Variants in TMEM117 observed in about 807,000 individuals in gnomAD.
TMEM117 encodes the protein transmembrane protein 117.
A neutral mutation model predicts 52.4 loss-of-function variants in TMEM117; 27 were observed. The observed-to-expected ratio is 0.51, with a 90% CI of 0.38 to 0.71. The LOEUF is 0.71. Among genes scored for constraint, TMEM117 ranks in the 30% least tolerant of loss-of-function variants. The pLI, the probability that TMEM117 is intolerant of heterozygous loss-of-function variation, is 0.00. For missense variants in TMEM117, 556 were observed against 630.5 expected (o/e 0.88, Z 1.26); for synonymous variants, 215 against 206.3 (o/e 1.04, Z -0.36).
At chr12:44,081,844 CA>C (rs1235621374) in intron 3 of TMEM117, among the ~76,000 whole-genome samples, 2 of 151,904 alleles carry the variant, frequency 1.3e-5, no homozygotes. Context: ...AAAATCTCAT[CA>C]GCATAATTTA....
intron 6 of TMEM117, among the ~76,000 whole-genome samples, chr12:44,354,503 G>A (rs1951615976): frequency 6.6e-6 from 1 of 151,978 alleles, no homozygotes; most frequent in South Asian, 2.1e-4. Flanking sequence ...GGGATGCAAG[G>A]CTGGTTCAAC....
chr12:44,031,560 A>G (rs1946633243), intron 3 of TMEM117, among the ~76,000 whole-genome samples: 1 of 152,186 alleles, frequency 6.6e-6, no homozygotes, highest in South Asian at 2.1e-4. Flanking sequence ...AAATACATAA[A>G]CTAAACTAAA....
At chr12:44,026,688 A>T (rs1303092996) in intron 3 of TMEM117, among the ~76,000 whole-genome samples, 1 of 152,174 alleles carries the variant, frequency 6.6e-6, no homozygotes, top group Non-Finnish European at 1.5e-5. Context: ...GTGTTTAATC[A>T]TTTTGTTAAT....
intron 3 of TMEM117, among the ~76,000 whole-genome samples, chr12:44,119,719 T>C (rs1004905092): frequency 4.6e-5 from 7 of 152,178 alleles, no homozygotes; most frequent in African/African-American, 1.7e-4. Flanking sequence ...GACCGTGTGT[T>C]AGCATCACCA....
chr12:44,263,103 A>G (rs1950339115), intron 5 of TMEM117, among the ~76,000 whole-genome samples: 1 of 152,192 alleles, frequency 6.6e-6, no homozygotes, highest in African/African-American at 2.4e-5. Flanking sequence ...AACACTTTAA[A>G]TAGGCTGGTG....
chr12:44,006,236 C>T (rs1228618234), intron 3 of TMEM117, among the ~76,000 whole-genome samples: 2 of 152,200 alleles, frequency 1.3e-5, no homozygotes. Context: ...AGACTGCCTT[C>T]TTCTTCATGT....
chr12:44,166,259 G>A (rs532682463), intron 4 of TMEM117, among the ~76,000 whole-genome samples: 5 of 152,220 alleles, frequency 3.3e-5, no homozygotes, highest in East Asian at 1.9e-4. Context: ...AAATACCTAC[G>A]TCAAAAAAGT....
chr12:44,015,571 A>G (rs770413321), intron 3 of TMEM117, among the ~76,000 whole-genome samples: 6 of 152,190 alleles, frequency 3.9e-5, no homozygotes, highest in South Asian at 2.1e-4. Flanking sequence ...AAAGATACCT[A>G]TAGGAGCTAG....
intron 2 of TMEM117, among the ~76,000 whole-genome samples, chr12:43,911,771 G>A (rs1177729935): frequency 6.7e-6 from 1 of 149,472 alleles, no homozygotes; most frequent in African/African-American, 2.4e-5. Flanking sequence ...GGCCATCAGA[G>A]AAATTCAAAT....
At chr12:44,229,932 A>C (rs931211456) in intron 5 of TMEM117, among the ~76,000 whole-genome samples, 11 of 152,070 alleles carry the variant, frequency 7.2e-5, no homozygotes, top group Admixed American at 2.0e-4. Context: ...AACCAAACTA[A>C]CTTTGCATTT....
At chr12:44,056,323 C>T (rs1261995151) in intron 3 of TMEM117, among the ~76,000 whole-genome samples, 2 of 152,118 alleles carry the variant, frequency 1.3e-5, no homozygotes, top group African/African-American at 4.8e-5. Flanking sequence ...TTCCCAGCAT[C>T]AGAGGATGAG....
intron 3 of TMEM117, among the ~76,000 whole-genome samples, chr12:43,982,239 G>A (rs1199441367): frequency 6.6e-6 from 1 of 152,178 alleles, no homozygotes; most frequent in Non-Finnish European, 1.5e-5. Flanking sequence ...GAAACCAGAT[G>A]TGTGGGTCAG....
chr12:43,849,754 A>G (rs985939085), intron 2 of TMEM117, among the ~76,000 whole-genome samples: 1 of 152,164 alleles, frequency 6.6e-6, no homozygotes, highest in African/African-American at 2.4e-5. Context: ...TAGAGAAGGA[A>G]TCATAACCTT....
At chr12:44,215,573 G>C (rs778780912) in intron 5 of TMEM117, among the ~76,000 whole-genome samples, 1 of 152,104 alleles carries the variant, frequency 6.6e-6, no homozygotes. Context: ...TCACTGACTT[G>C]TGTCTGAGGT....
chr12:43,901,710 C>T (rs189991904), intron 2 of TMEM117, among the ~76,000 whole-genome samples: 1 of 152,178 alleles, frequency 6.6e-6, no homozygotes, highest in African/African-American at 2.4e-5. Flanking sequence ...CACAGCGCTA[C>T]TAACCAACTT....
intron 3 of TMEM117, among the ~76,000 whole-genome samples, chr12:43,999,659 G>A (rs555897368): frequency 3.3e-5 from 5 of 152,070 alleles, no homozygotes; most frequent in Non-Finnish European, 7.4e-5. Flanking sequence ...TTTGTTATTT[G>A]TTTTTCTTTT....
At chr12:44,125,828 C>T (rs567402934) in intron 3 of TMEM117, among the ~76,000 whole-genome samples, 49 of 151,974 alleles carry the variant, frequency 3.2e-4, no homozygotes, top group South Asian at 6.2e-4. Flanking sequence ...TGAGATCTTT[C>T]TAGTTTTTTT....
intron 1 of TMEM117, among the ~76,000 whole-genome samples, 181 bp from the exon 2 acceptor site, chr12:43,844,443 G>A (rs910235238): frequency 6.6e-6 from 1 of 152,222 alleles, no homozygotes; most frequent in African/African-American, 2.4e-5. Context: ...ATGATTAGAT[G>A]TTAGGGAAGG....
intron 3 of TMEM117, chr12:44,009,115 G>A (rs1370075791): frequency 8.9e-6 from 3 of 336,170 alleles, no homozygotes; most frequent in Non-Finnish European, 1.7e-5. Context: ...GGAAGCTCTT[G>A]TTTACAAGTG....
Sources: gnomAD v4.1 joint callset for allele counts (sites outside exome capture counted in the v4.1 genomes callset) on GRCh38, gnomAD v4.1.1 for gene constraint, MANE v1.5 for transcripts, NCBI Gene and HGNC (gene_info 2026-07-23, HGNC 2026-07-21) for gene names.